RIN2: variants seen among roughly 807,000 people sequenced by gnomAD.
RIN2 encodes Ras and Rab interactor 2.
RIN2 carries 36 observed loss-of-function variants against 78.0 expected under a neutral mutation model. The observed-to-expected ratio is 0.46, with a 90% CI of 0.35 to 0.61. The LOEUF is 0.61. Among genes scored for constraint, RIN2 ranks in the 20% least tolerant of loss-of-function variants. The probability of loss-of-function intolerance (pLI) is 0.00; values close to 1 mark genes in which losing one functional copy is unlikely to be tolerated. For synonymous variants in RIN2, 466 were observed against 466.8 expected (o/e 1.00, Z 0.02); for missense variants, 1,087 against 1,159.7 (o/e 0.94, Z 0.91).
intron 1 of RIN2, among the ~76,000 whole-genome samples, chr20:19,768,918 G>C (rs1283206134): frequency 7.2e-6 from 1 of 139,012 alleles, no homozygotes; most frequent in Non-Finnish European, 1.5e-5. Context: ...TTTGCTTTCT[G>C]TTTCTTTTTT....
chr20:19,823,585 G>A (rs1461220519), intron 2 of RIN2: 4 of 1,510,486 alleles, frequency 2.6e-6, no homozygotes, highest in Admixed American at 3.4e-5. Context: ...TCTGGCTAAG[G>A]ATTGGTGCCG....
At chr20:19,911,709 C>T (rs1451134654) in intron 3 of RIN2, among the ~76,000 whole-genome samples, 1 of 147,994 alleles carries the variant, frequency 6.8e-6, no homozygotes, top group Non-Finnish European at 1.5e-5. Context: ...CTTTGGCCTC[C>T]AAATGGTCCT....
At position 19,892,341 on chromosome 20, in the gene RIN2, G is replaced by A. The variant is rs578216571; in HGVS notation, c.57+2683G>A. Among the ~76,000 whole-genome samples the A allele has an allele frequency of 1.0e-3, 152 of 152,046 alleles. 1 individual carries two copies. Among genetic ancestry groups the A allele is most frequent in the African/African-American group, 3.4e-3 (139 of 41,460 alleles). ...AAGCGATTCTCTGCCTCAGCCTCCC[G>A]AGCAGCTGGGATTACAGGTGCCTGC... On this transcript the variant is annotated intron_variant, in intron 3 of 12. Transcript: ENST00000255006.
chr20:19,795,797 G>T (rs896063848), intron 1 of RIN2, among the ~76,000 whole-genome samples: 4 of 151,892 alleles, frequency 2.6e-5, no homozygotes, highest in African/African-American at 9.7e-5. Flanking sequence ...CATGGGCAAA[G>T]GAAAAAAAGA....
chr20:19,792,642 A>C (rs1413180635), intron 1 of RIN2, among the ~76,000 whole-genome samples: 1 of 152,196 alleles, frequency 6.6e-6, no homozygotes, highest in Non-Finnish European at 1.5e-5. Flanking sequence ...TGACAAACCA[A>C]AGATGATTTG....
intron 3 of RIN2, among the ~76,000 whole-genome samples, chr20:19,916,992 T>C (rs2039709702): frequency 6.6e-6 from 1 of 152,044 alleles, no homozygotes. Context: ...ACTCAGAGTT[T>C]ACAACGAGAA....
intron 2 of RIN2, among the ~76,000 whole-genome samples, chr20:19,842,530 C>T (rs1367982312): frequency 6.6e-6 from 1 of 151,956 alleles, no homozygotes; most frequent in African/African-American, 2.4e-5. Context: ...GCGTAAGCCA[C>T]TGCACCCAGC....
At chr20:19,959,657 A>G (rs8120472) in intron 5 of RIN2, among the ~76,000 whole-genome samples, 3 of 152,124 alleles carry the variant, frequency 2.0e-5, no homozygotes, top group Admixed American at 6.5e-5. Flanking sequence ...ATGAAAGGCT[A>G]TAGAAAGGTA....
chr20:19,934,633 A>G (rs2040562152), intron 3 of RIN2: 1 of 967,274 alleles, frequency 1.0e-6, no homozygotes, highest in Non-Finnish European at 1.2e-6. Context: ...TAAGCTGGAT[A>G]TATCTTTTAA....
At chr20:19,922,902 T>C (rs1052628532) in intron 3 of RIN2, among the ~76,000 whole-genome samples, 3 of 152,006 alleles carry the variant, frequency 2.0e-5, no homozygotes, top group Non-Finnish European at 2.9e-5. Context: ...CACTCAGCCC[T>C]CCCCCCACCA....
intron 7 of RIN2, among the ~76,000 whole-genome samples, chr20:19,965,389 CACCT>C (rs1400609094): frequency 9.9e-5 from 15 of 152,076 alleles, no homozygotes; most frequent in African/African-American, 3.6e-4. Flanking sequence ...TGCGCACACA[CACCT>C]ACACACAGAA....
Position 19,817,490 on chromosome 20 carries a change from G to A in RIN2, c.-37+17743G>A, listed in dbSNP as rs776744223. Among the ~76,000 whole-genome samples, 19 of 151,986 alleles carry A rather than the reference G, an allele frequency of 1.3e-4. No individual in the cohort carries two copies. In the East Asian group the frequency reaches 1.9e-3, roughly 15 times the overall value. On this transcript the variant is annotated intron_variant, in intron 2 of 12. Transcript: ENST00000255006. ...CTTAATACTATTGCAATGGGGATTC[G>A]GTTTCAATGTATAAATTTGGGGGCG... is the stretch of plus-strand genomic sequence containing the variant.
At chr20:19,852,699 T>G (rs1308148204) in intron 2 of RIN2, among the ~76,000 whole-genome samples, 1 of 152,156 alleles carries the variant, frequency 6.6e-6, no homozygotes, top group Non-Finnish European at 1.5e-5. Flanking sequence ...TCATTCTTAA[T>G]CTACATTAGT....
At chr20:19,842,182 C>T (rs968812472) in intron 2 of RIN2, among the ~76,000 whole-genome samples, 1 of 150,346 alleles carries the variant, frequency 6.7e-6, no homozygotes, top group African/African-American at 2.4e-5. Flanking sequence ...GCCTGTATGA[C>T]AGCACATCTG....
At chr20:19,831,399 G>T (rs1325537947) in intron 2 of RIN2, among the ~76,000 whole-genome samples, 6 of 152,090 alleles carry the variant, frequency 3.9e-5, no homozygotes, top group Admixed American at 1.3e-4. Context: ...TGAGGGATGC[G>T]TAGAGGGAGG....
Position 19,777,256 on chromosome 20 carries a change from G to T in RIN2, c.-163+18929G>T, listed in dbSNP as rs117274379. Reference sequence around the variant, plus strand: ...GAAATCTCAGGGGAAGAGACTCCAAGTCCCTGAATCTCTTTCCCTCTTCAC... The same window carrying T: ...GAAATCTCAGGGGAAGAGACTCCAATTCCCTGAATCTCTTTCCCTCTTCAC... On this transcript the variant is annotated intron_variant, in intron 1 of 12. Transcript: ENST00000255006. Among the ~76,000 whole-genome samples, 815 of 152,342 alleles carry T rather than the reference G, an allele frequency of 5.3e-3. 5 individuals are homozygous for T. Among genetic ancestry groups the T allele is most frequent in the Non-Finnish European group, 8.5e-3 (576 of 68,028 alleles).
intron 2 of RIN2, among the ~76,000 whole-genome samples, chr20:19,838,806 G>A (rs978291541): frequency 1.3e-5 from 2 of 152,138 alleles, no homozygotes; most frequent in Admixed American, 6.5e-5. Context: ...TCTCTAGTGT[G>A]GGAAGTAACT....
At chr20:19,836,686 A>G (rs2036428386) in intron 2 of RIN2, among the ~76,000 whole-genome samples, 1 of 151,728 alleles carries the variant, frequency 6.6e-6, no homozygotes, top group Admixed American at 6.6e-5. Context: ...ATGTTTATTG[A>G]ATTATGTAAT....
At chr20:19,910,823 C>T (rs1396104050) in intron 3 of RIN2, among the ~76,000 whole-genome samples, 2 of 152,158 alleles carry the variant, frequency 1.3e-5, no homozygotes, top group African/African-American at 4.8e-5. Flanking sequence ...CTGCCTCGGC[C>T]TCCCAAAGTG....
Sources: gnomAD v4.1 joint callset for allele counts (sites outside exome capture counted in the v4.1 genomes callset) on GRCh38, gnomAD v4.1.1 for gene constraint, MANE v1.5 for transcripts, NCBI Gene and HGNC (gene_info 2026-07-23, HGNC 2026-07-21) for gene names.